Variants in LPGAT1 observed in about 807,000 individuals in gnomAD.
LPGAT1 encodes the protein acyl-CoA:lysophosphatidylglycerol acyltransferase 1.
In LPGAT1, 11 loss-of-function variants were observed where a neutral mutation model predicts 47.5. That is an observed-to-expected ratio of 0.23 (90% CI 0.15 to 0.38). The LOEUF is 0.38. Ranked by LOEUF, LPGAT1 falls within the 10% of genes least tolerant of loss-of-function variation. LPGAT1 has a pLI of 1.00. For missense variants in LPGAT1, 293 were observed against 439.0 expected, an observed-to-expected ratio of 0.67 and a Z score of 2.97; for synonymous variants, 138 against 144.2, an observed-to-expected ratio of 0.96 and a Z score of 0.31.
chr1:211,753,350 G>A (rs1304703020), intron 6 of LPGAT1, among the ~76,000 whole-genome samples: 1 of 152,068 alleles, frequency 6.6e-6, no homozygotes, highest in Non-Finnish European at 1.5e-5. Flanking sequence ...AGGATTCAAG[G>A]TTAAAAACCA....
intron 4 of LPGAT1, among the ~76,000 whole-genome samples, chr1:211,784,522 A>T (rs1658776120): frequency 6.6e-6 from 1 of 151,572 alleles, no homozygotes; most frequent in East Asian, 1.9e-4. Context: ...AAAGAAAGAA[A>T]ATCTGCTGGT....
chr1:211,824,591 C>T (rs190778967), intron 2 of LPGAT1, among the ~76,000 whole-genome samples: 2 of 152,210 alleles, frequency 1.3e-5, no homozygotes, highest in East Asian at 3.9e-4. Flanking sequence ...TTCCAAAATC[C>T]CAGTGCTCTT....
At chr1:211,752,415 G>A (rs539782194) in intron 6 of LPGAT1, among the ~76,000 whole-genome samples, 7 of 151,586 alleles carry the variant, frequency 4.6e-5, no homozygotes, top group African/African-American at 1.5e-4. Flanking sequence ...TCTGAGTCAC[G>A]AAGCATGTAG....
At chr1:211,786,038 T>A (rs1477940968) in intron 4 of LPGAT1, among the ~76,000 whole-genome samples, 1 of 152,190 alleles carries the variant, frequency 6.6e-6, no homozygotes, top group Non-Finnish European at 1.5e-5. Context: ...CTGCTAAGCT[T>A]TCTAATTGTT....
chr1:211,793,401 CATTATTT>C (rs909910383), intron 2 of LPGAT1: 33 of 161,102 alleles, frequency 2.0e-4, no homozygotes, highest in Non-Finnish European at 3.4e-4. Context: ...ATAAAATTAT[CATTATTT>C]ATTTATTTAT....
chr1:211,824,088 C>T (rs946603618), intron 2 of LPGAT1, among the ~76,000 whole-genome samples: 3 of 151,990 alleles, frequency 2.0e-5, no homozygotes, highest in African/African-American at 7.3e-5. Context: ...AATCTCAGAA[C>T]CAGGAAAGGA....
At chr1:211,791,761 A>AAAACAAACAAAAAAAAAAAAAAC (rs1553310628) in intron 3 of LPGAT1, among the ~76,000 whole-genome samples, 1 of 128,066 alleles carries the variant, frequency 7.8e-6, no homozygotes, top group Non-Finnish European at 1.7e-5. Flanking sequence ...AAAAAAAAAA[A>AAAACAAACAAAAAAAAAAAAAAC]AAAACAAACA....
At chr1:211,789,927 A>G (rs991338145) in intron 3 of LPGAT1, among the ~76,000 whole-genome samples, 2 of 151,772 alleles carry the variant, frequency 1.3e-5, no homozygotes, top group Non-Finnish European at 2.9e-5. Context: ...TTTGTTTCAT[A>G]TTCTTCAAAA....
chr1:211,795,059 G>A (rs1490493915), intron 2 of LPGAT1, among the ~76,000 whole-genome samples: 1 of 152,104 alleles, frequency 6.6e-6, no homozygotes, highest in Non-Finnish European at 1.5e-5. Flanking sequence ...GGAAATTGTT[G>A]TTTAATGAGT....
intron 2 of LPGAT1, among the ~76,000 whole-genome samples, chr1:211,806,663 A>T (rs1659774438): frequency 6.6e-6 from 1 of 152,176 alleles, no homozygotes; most frequent in African/African-American, 2.4e-5. Flanking sequence ...CTGAATCAAA[A>T]ATTTAACAAA....
At position 211,793,170 on chromosome 1, in the gene LPGAT1, T is replaced by C. The variant is rs145408617; in HGVS notation, c.259A>G (p.Ile87Val). The change falls in exon 3 of 8, where the codon ATT (isoleucine) becomes GTT (valine). Residue 87 changes from isoleucine (I) to valine (V), a missense_variant. By Grantham distance (29) the Ile-to-Val change is conservative. Coordinates refer to ENST00000366997, the MANE Select transcript of LPGAT1 (RefSeq NM_014873.3). ...GYTVMEWGED[I>V]KAVSKDEAVM... ...GCTTCATCTTTTGAAACTGCTTTAA[T>C]ATCTTCTCCCCATTCCATCACTGTA... 6.2e-7 allele frequency: 1 copy of C among 1,610,478 alleles called. No individual in the cohort carries two copies. The highest frequency in any genetic ancestry group is 2.2e-5 in the East Asian group (1 of 44,538).
intron 7 of LPGAT1, 149 bp from the exon 8 acceptor site, chr1:211,750,199 T>C: frequency 1.4e-6 from 1 of 690,634 alleles, no homozygotes; most frequent in Non-Finnish European, 2.5e-6. Flanking sequence ...TTATTTGAAA[T>C]ACAATTTCTG....
intron 2 of LPGAT1, among the ~76,000 whole-genome samples, chr1:211,827,780 T>C (rs1660582886): frequency 6.6e-6 from 1 of 152,148 alleles, no homozygotes; most frequent in Non-Finnish European, 1.5e-5. Flanking sequence ...ACACCTACTA[T>C]ATCCAAAAAG....
rs764525952 is a variant in LPGAT1 at position 211,783,536 on chromosome 1, T to C, written c.454-34A>G. The stretch of plus-strand genomic sequence containing the variant: ...TACACACACACGTAATAAGTACAGG[T>C]ATATCCAAAATTAAAATGCCATAAA... On this transcript the variant is annotated intron_variant, in intron 4 of 7. Transcript: ENST00000366997. 21 of 1,537,106 alleles carry C rather than the reference T, an allele frequency of 1.4e-5. No homozygotes were observed. In the South Asian group the frequency reaches 2.0e-4, roughly 14 times the overall value.
intron 2 of LPGAT1, among the ~76,000 whole-genome samples, chr1:211,822,574 C>T (rs1199534587): frequency 1.3e-5 from 2 of 151,902 alleles, no homozygotes; most frequent in Admixed American, 6.6e-5. Flanking sequence ...GTCAGGAGTT[C>T]GAGACCAGCC....
intron 2 of LPGAT1, among the ~76,000 whole-genome samples, chr1:211,795,577 G>GGCT (rs1430573768): frequency 2.0e-5 from 3 of 152,184 alleles, no homozygotes; most frequent in African/African-American, 7.2e-5. Flanking sequence ...ATGTTGGTCA[G>GGCT]GCTGGTCTTC....
At chr1:211,790,969 T>C (rs1659087199) in intron 3 of LPGAT1, among the ~76,000 whole-genome samples, 1 of 152,190 alleles carries the variant, frequency 6.6e-6, no homozygotes. Flanking sequence ...GGAGATTCTC[T>C]TTTATAGAAA....
At chr1:211,784,627 C>T (rs6540707) in intron 4 of LPGAT1, among the ~76,000 whole-genome samples, 150,501 of 152,130 alleles carry the variant, frequency 0.99, 74,448 homozygotes, top group East Asian at 1. Context: ...GTATTGATAA[C>T]AAGTAGTTAC....
chr1:211,748,074 C>CT lies in LPGAT1; in HGVS notation c.*1824dup, dbSNP rs1657014457. 1 of 151,186 alleles carries CT rather than the reference C, an allele frequency of 6.6e-6. No individual in the cohort carries two copies. Among genetic ancestry groups the CT allele is most frequent in the Admixed American group, 6.7e-5 (1 of 14,922 alleles). The allele number at this position is 151,186 out of a possible 1,614,324, so 9.4% of individuals were successfully genotyped here. A position where few individuals can be genotyped will look rare whatever the true frequency, so the allele number is the denominator to read the frequency against. ...CCACATAACTGGGGAAAATTCACAT[C>CT]TTTTCTGTTTTTTTTTGGTTTATTT... is the stretch of plus-strand genomic sequence containing the variant. On this transcript the variant is annotated 3_prime_UTR_variant, in exon 8 of 8. Coordinates refer to ENST00000366997, the MANE Select transcript of LPGAT1 (RefSeq NM_014873.3).
Sources: gnomAD v4.1 joint callset for allele counts (sites outside exome capture counted in the v4.1 genomes callset) on GRCh38, gnomAD v4.1.1 for gene constraint, MANE v1.5 for transcripts, NCBI Gene and HGNC (gene_info 2026-07-23, HGNC 2026-07-21) for gene names.